EVPL: variants seen among roughly 807,000 people sequenced by gnomAD.
EVPL encodes the protein envoplakin.
Under a neutral mutation model 129.7 loss-of-function variants are expected in EVPL, and 94 were observed. The observed-to-expected ratio is 0.72, with a 90% CI of 0.61 to 0.86. The LOEUF is 0.86. Ranked by LOEUF, EVPL falls within the 40% of genes least tolerant of loss-of-function variation. EVPL has a pLI of 0.00. For synonymous variants in EVPL, 1,172 were observed against 1,191.1 expected, an observed-to-expected ratio of 0.98 and a Z score of 0.33; for missense variants, 2,625 against 2,721.1, an observed-to-expected ratio of 0.96 and a Z score of 0.79.
In EVPL at chr17:76,015,640, C is replaced by A. The variant is rs2665970; in HGVS notation, c.1711-12G>T. 0.39 allele frequency: 619,737 copies of A among 1,605,484 alleles called. 123,110 individuals are homozygous for A. The highest frequency in any genetic ancestry group is 0.67 in the East Asian group (29,848 of 44,634). On this transcript the variant is annotated splice_polypyrimidine_tract_variant and intron_variant, in intron 14 of 21. Transcript: ENST00000301607. ...CGCTGGGCTGTGCCCTAAAGAGGGG[C>A]GGGGTCAGGGATCTCTGGGCAGGTG...
In EVPL at chr17:76,015,078, G is replaced by A; in HGVS notation, c.2060C>T (p.Thr687Ile). 1 of 1,579,336 alleles carries A rather than the reference G, an allele frequency of 6.3e-7. No individual in the cohort carries two copies. Among genetic ancestry groups the A allele is most frequent in the Non-Finnish European group, 8.6e-7 (1 of 1,164,266 alleles). Residue 687 changes from threonine (T) to isoleucine (I), a missense_variant, in exon 17 of 22, where the codon ACC (threonine) becomes ATC (isoleucine). Coordinates refer to ENST00000301607, the MANE Select transcript of EVPL (RefSeq NM_001988.4). ...CGCGCGGTGTAGCCGCAGCACGCAG[G>A]TCTGCTGTTCCAGCAGCTCCCTCCG... ...RQRRELLEQQ[T>I]CVLRLHRALK...
At position 76,009,077 on chromosome 17, in the gene EVPL, C is replaced by CA. The variant is rs1449463477; in HGVS notation, c.4127dup (p.Val1377GlyfsTer21). The CA allele has an allele frequency of 1.9e-6, 3 of 1,613,464 alleles. No individual in the cohort carries two copies. The highest frequency in any genetic ancestry group is 3.3e-5 in the Admixed American group (2 of 59,984). On this transcript the variant is annotated frameshift_variant, in exon 22 of 22. Coordinates refer to ENST00000301607, the MANE Select transcript of EVPL (RefSeq NM_001988.4). LOFTEE classifies it low-confidence loss of function (END_TRUNC). This position sits in a 1 kb window ranked among gnomAD's most constrained non-coding sequence, Gnocchi z 5.9. Reference sequence around the variant, plus strand: ...GCAGCTTCGGGTCCTTCTGGGTGACCACCACCTCCTGCACCACCACCTTCT... The same window carrying CA: ...GCAGCTTCGGGTCCTTCTGGGTGACCAACCACCTCCTGCACCACCACCTTCT...
chr17:76,012,920 A>G (rs1431313033), intron 18 of EVPL, among the ~76,000 whole-genome samples: 1 of 150,814 alleles, frequency 6.6e-6, no homozygotes, highest in Non-Finnish European at 1.5e-5. Flanking sequence ...AATTTTTTGT[A>G]TTTTTAGTAG....
intron 21 of EVPL, 40 bp downstream of exon 21, chr17:76,011,536 C>A: frequency 1.3e-6 from 2 of 1,564,138 alleles, no homozygotes; most frequent in South Asian, 2.2e-5. Context: ...CCTGGTTATT[C>A]CTGGCTATTG....
Position 76,015,538 on chromosome 17 carries a change from G to C in EVPL, c.1801C>G (p.Pro601Ala), listed in dbSNP as rs747477924. 6.2e-7 allele frequency: 1 copy of C among 1,612,882 alleles called. No homozygotes were observed. Among genetic ancestry groups the C allele is most frequent in the Admixed American group, 1.7e-5 (1 of 60,028 alleles). Reference sequence around the variant, plus strand: ...GCTACGGGCAGCTGCAGGGCAGCGGGGCCCACGGGCCGCGTGGACAGAAAC... The same window carrying C: ...GCTACGGGCAGCTGCAGGGCAGCGGCGCCCACGGGCCGCGTGGACAGAAAC... ...EAFLSTRPVG[P>A]AALQLPVALN... Residue 601 changes from proline to alanine, a missense_variant, in exon 15 of 22, where the codon CCC becomes GCC. Physicochemically the swap from Pro to Ala is conservative, Grantham distance 27. This residue lies in a region of EVPL where 1,024 missense variants were observed against 997.5 expected (regional missense o/e 1.03). Transcript: ENST00000301607.
chr17:76,008,032 C>T lies in EVPL; in HGVS notation c.5173G>A (p.Glu1725Lys). Residue 1725 changes from glutamate (E) to lysine (K), a missense_variant, in exon 22 of 22, where the codon GAG becomes AAG. By Grantham distance (56) the Glu-to-Lys change is moderately conservative. This residue lies in a region of EVPL where 1,453 missense variants were observed against 1,511.8 expected (regional missense o/e 0.96). Coordinates refer to ENST00000301607, the MANE Select transcript of EVPL (RefSeq NM_001988.4). This position sits in a 1 kb window ranked among gnomAD's most constrained non-coding sequence, Gnocchi z 7.4. ...CCACAGGGCCCCGAGGTGGTGACCTCCTCCCAGTCACACTCGAGCTCCTGC... is the reference window on the plus strand; with the variant it reads ...CCACAGGGCCCCGAGGTGGTGACCTTCTCCCAGTCACACTCGAGCTCCTGC... ...QLQELECDWE[E>K]VTTSGPCGEE... is the part of the protein sequence containing the mutation. The T allele has an allele frequency of 6.2e-7, 1 of 1,614,148 alleles. No individual in the cohort carries two copies. Among genetic ancestry groups the T allele is most frequent in the Non-Finnish European group, 8.5e-7 (1 of 1,180,030 alleles).
rs918846343 is a variant in EVPL at position 76,008,745 on chromosome 17, T to A, written c.4460A>T (p.Gln1487Leu). The A allele has an allele frequency of 6.2e-7, 1 of 1,614,190 alleles. No individual in the cohort carries two copies. The highest frequency in any genetic ancestry group is 8.5e-7 in the Non-Finnish European group (1 of 1,180,052). The part of the protein sequence containing the change: ...STEALRWDLD[Q>L]EKTQVTELNR... ...CAGCTCGGTTACCTGGGTCTTCTCC[T>A]GGTCCAGGTCCCACCGCAGGGCTTC... The change falls in exon 22 of 22, where the codon CAG becomes CTG. Residue 1487 changes from glutamine to leucine, a missense_variant. Around this residue, in one of 4 missense-constraint regions of EVPL, gnomAD observed 1,453 missense variants for 1,511.8 expected, o/e 0.96. Transcript: ENST00000301607. The surrounding 1 kb of genome is among the most constrained non-coding windows in gnomAD (Gnocchi z 7.4).
rs774963318 is a variant in EVPL, at chr17:76,008,494, C to T, written c.4711G>A (p.Gly1571Arg). Residue 1571 changes from glycine (G) to arginine (R), a missense_variant, in exon 22 of 22, where the codon GGG (glycine) becomes AGG (arginine). Around this residue, in one of 4 missense-constraint regions of EVPL, gnomAD observed 1,453 missense variants for 1,511.8 expected, o/e 0.96. Transcript: ENST00000301607. The surrounding 1 kb of genome is among the most constrained non-coding windows in gnomAD (Gnocchi z 7.4). ...RERIDRAETL[G>R]RTWSREESEL... Reference sequence around the variant, plus strand: ...GACTCCTCCCGGGACCAGGTTCTCCCCAGCGTCTCGGCCCGGTCAATGCGC... The same window carrying T: ...GACTCCTCCCGGGACCAGGTTCTCCTCAGCGTCTCGGCCCGGTCAATGCGC... 1.9e-6 allele frequency: 3 copies of T among 1,601,838 alleles called. No homozygotes were observed. In the South Asian group the frequency reaches 3.3e-5, roughly 18 times the overall value.
chr17:76,009,011 C>G lies in EVPL; in HGVS notation c.4194G>C (p.Glu1398Asp), dbSNP rs1284360846. Residue 1398 changes from glutamate (E) to aspartate (D), a missense_variant, in exon 22 of 22, where the codon GAG becomes GAC. This residue lies in a region of EVPL where 1,453 missense variants were observed against 1,511.8 expected (regional missense o/e 0.96). Coordinates refer to ENST00000301607, the MANE Select transcript of EVPL (RefSeq NM_001988.4). The surrounding 1 kb of genome is among the most constrained non-coding windows in gnomAD (Gnocchi z 5.9). Reference protein sequence around the residue: ...HSRLSGSLDEEVGRRRQLELE... With the variant: ...HSRLSGSLDEDVGRRRQLELE... ...GCTCTAGCTGGCGCCGCCGGCCCAC[C>G]TCCTCATCCAGGCTCCCGCTCAGCC... 1 of 1,612,780 alleles carries G rather than the reference C, an allele frequency of 6.2e-7. No individual in the cohort carries two copies. The highest frequency in any genetic ancestry group is 1.3e-5 in the African/African-American group (1 of 74,930).
At position 76,011,994 on chromosome 17, in the gene EVPL, C is replaced by A. The variant is rs1313708199; in HGVS notation, c.2457+12G>T. On this transcript the variant is annotated intron_variant, in intron 19 of 21. Transcript: ENST00000301607. ...TGCATGGAGAGGGGCAAGCTGAAGG[C>A]AAGCTGCTTACCTGGAGCGCTGCCT... The A allele has an allele frequency of 6.2e-7, 1 of 1,611,620 alleles. No homozygotes were observed. Among genetic ancestry groups the A allele is most frequent in the Non-Finnish European group, 8.5e-7 (1 of 1,178,746 alleles).
chr17:76,025,242 G>A (rs1387974366), intron 1 of EVPL, among the ~76,000 whole-genome samples: 2 of 152,234 alleles, frequency 1.3e-5, no homozygotes, highest in Non-Finnish European at 2.9e-5. Flanking sequence ...GTCCAGTGCA[G>A]GCCTGGTGCA....
Position 76,010,315 on chromosome 17 carries a change from G to C in EVPL, c.2890C>G (p.Arg964Gly), listed in dbSNP as rs146519364. ...LEEKEVVEFY[R>G]DPQLEGSLSR... Reference sequence around the variant, plus strand: ...AGGCTGCCCTCCAGCTGGGGGTCCCGGTAGAACTCTACCACTTCCTTCTCC... The same window carrying C: ...AGGCTGCCCTCCAGCTGGGGGTCCCCGTAGAACTCTACCACTTCCTTCTCC... The change falls in exon 22 of 22, where the codon CGG (arginine) becomes GGG (glycine). Residue 964 changes from arginine to glycine, a missense_variant. By Grantham distance (125) the Arg-to-Gly change is moderately radical. Transcript: ENST00000301607. 1 of 1,613,852 alleles carries C rather than the reference G, an allele frequency of 6.2e-7. No homozygotes were observed. Among genetic ancestry groups the C allele is most frequent in the Non-Finnish European group, 8.5e-7 (1 of 1,180,014 alleles).
At position 76,007,634 on chromosome 17, in the gene EVPL, C is replaced by T; in HGVS notation, c.5571G>A (p.Lys1857=). 1 of 1,613,904 alleles carries T rather than the reference C, an allele frequency of 6.2e-7. No individual in the cohort carries two copies. Among genetic ancestry groups the T allele is most frequent in the Non-Finnish European group, 8.5e-7 (1 of 1,180,038 alleles). ...KNMLDPITGQ[K]LLEAQAATGG... ...CTGTGGCCGCCTGGGCCTCCAGTAGCTTCTGCCCAGTGATGGGGTCCAGCA... is the reference window on the plus strand; with the variant it reads ...CTGTGGCCGCCTGGGCCTCCAGTAGTTTCTGCCCAGTGATGGGGTCCAGCA... The change falls in exon 22 of 22, where the codon AAG becomes AAA. Residue 1857 remains lysine, a synonymous_variant. Coordinates refer to ENST00000301607, the MANE Select transcript of EVPL (RefSeq NM_001988.4). This position sits in a 1 kb window ranked among gnomAD's most constrained non-coding sequence, Gnocchi z 8.8.
Position 76,013,578 on chromosome 17 carries a change from C to T in EVPL, c.2373+848G>A, listed in dbSNP as rs774831178. On this transcript the variant is annotated intron_variant, in intron 18 of 21. Coordinates refer to ENST00000301607, the MANE Select transcript of EVPL (RefSeq NM_001988.4). The surrounding 1 kb of genome is among the most constrained non-coding windows in gnomAD (Gnocchi z 4.3). ...TCCCCAACAGAACCCTGGGCATCAC[C>T]GGGCCCCGTCCATCTCACTCACTGT... is the stretch of plus-strand genomic sequence containing the variant. Among the ~76,000 whole-genome samples, 4 of 152,136 alleles carry T rather than the reference C, an allele frequency of 2.6e-5. No individual in the cohort carries two copies. The highest frequency in any genetic ancestry group is 1.9e-4 in the East Asian group (1 of 5,186).
intron 9 of EVPL, among the ~76,000 whole-genome samples, chr17:76,020,388 C>G (rs1035415526): frequency 1.3e-5 from 2 of 152,218 alleles, no homozygotes; most frequent in African/African-American, 4.8e-5. Flanking sequence ...GCACCGTCAC[C>G]TGCCTCCCTC....
intron 14 of EVPL, among the ~76,000 whole-genome samples, chr17:76,016,240 TAC>T (rs2066418315): frequency 6.6e-6 from 1 of 152,266 alleles, no homozygotes; most frequent in African/African-American, 2.4e-5. Context: ...CACAGTTACC[TAC>T]AGTCATCTTC....
intron 14 of EVPL, among the ~76,000 whole-genome samples, chr17:76,016,108 G>A (rs2066417811): frequency 6.6e-6 from 1 of 152,116 alleles, no homozygotes; most frequent in Non-Finnish European, 1.5e-5. Context: ...TCACACCGCT[G>A]CACTCCAGCC....
Position 76,023,215 on chromosome 17 carries a change from C to T in EVPL, c.480+77G>A, listed in dbSNP as rs1280764819. On this transcript the variant is annotated intron_variant, in intron 4 of 21. Transcript: ENST00000301607. The stretch of plus-strand genomic sequence containing the variant: ...ACCCCTACACCCTGACTATTCAAGC[C>T]TGCAGTCAGGCCCTGGATTAAATGC... The T allele has an allele frequency of 2.1e-5, 33 of 1,588,866 alleles. 1 individual carries two copies. In the South Asian group the frequency reaches 3.8e-4, roughly 18 times the overall value.
rs752404897 is a variant in EVPL, at chr17:76,018,451, G to T, written c.1434C>A (p.Ala478=). 2.7e-5 allele frequency: 44 copies of T among 1,611,568 alleles called. No homozygotes were observed. Among genetic ancestry groups the T allele is most frequent in the Admixed American group, 5.0e-5 (3 of 59,818 alleles). ...GTATCCCTACACAGACCTACCGGGA[G>T]GCCCTGGCCACAGCATCAGGGTCTG... ...PAPDPDAVAR[A]SRLASELQAL... The change falls in exon 12 of 22, where the codon GCC becomes GCA. Residue 478 remains alanine (A), a synonymous_variant. Coordinates refer to ENST00000301607, the MANE Select transcript of EVPL (RefSeq NM_001988.4).
Sources: gnomAD v4.1 joint callset for allele counts (sites outside exome capture counted in the v4.1 genomes callset) on GRCh38, gnomAD v4.1.1 for gene constraint, gnomAD v4.1.1 regional missense constraint, Gnocchi (gnomAD v3.1) non-coding constraint, MANE v1.5 for transcripts, NCBI Gene and HGNC (gene_info 2026-07-23, HGNC 2026-07-21) for gene names.